Variants in PLEKHH2 observed in about 807,000 individuals in gnomAD.
PLEKHH2 encodes the protein pleckstrin homology domain-containing family H member 2.
A neutral mutation model predicts 187.9 loss-of-function variants in PLEKHH2; 129 were observed. The observed-to-expected ratio is 0.69, with a 90% confidence interval of 0.59 to 0.79. The LOEUF is 0.79. Ranked by LOEUF, PLEKHH2 falls within the 30% of genes least tolerant of loss-of-function variation. The pLI is 0.00. For missense variants in PLEKHH2, 2,076 were observed against 1,751.2 expected (o/e 1.19, Z -3.31); for synonymous variants, 686 against 605.6 (o/e 1.13, Z -1.95).
chr2:43,756,985 A>G, intron 25 of PLEKHH2, 134 bp from the exon 26 acceptor site: 1 of 576,824 alleles, frequency 1.7e-6, no homozygotes, highest in Non-Finnish European at 2.7e-6. Flanking sequence ...TATGAAGTTC[A>G]TAATCACATA....
Position 43,640,944 on chromosome 2 carries a change from T to C in PLEKHH2, c.-4+3565T>C, listed in dbSNP as rs539675075. Among the ~76,000 whole-genome samples the C allele has an allele frequency of 6.1e-5, 8 of 131,996 alleles. No homozygotes were observed. In the South Asian group the frequency reaches 1.7e-3, roughly 29 times the overall value. 86.6% of individuals were successfully genotyped at this position (131,996 alleles called of 152,430 possible). ...GACTACAGGCCTGCACCACCATGCC[T>C]GGCTAATTTTTTTTTTTTTTTTTTT... On this transcript the variant is annotated intron_variant, in intron 1 of 29. Coordinates refer to ENST00000282406, the MANE Select transcript of PLEKHH2 (RefSeq NM_172069.4).
rs924164087 is a variant in PLEKHH2, at chr2:43,694,507, T to C, written c.413T>C (p.Leu138Ser). 3.9e-6 allele frequency: 6 copies of C among 1,552,512 alleles called. No homozygotes were observed. Among genetic ancestry groups the C allele is most frequent in the Non-Finnish European group, 5.3e-6 (6 of 1,142,006 alleles). The change falls in exon 5 of 30, where the codon TTA (leucine) becomes TCA (serine). Residue 138 changes from leucine (L) to serine (S), a missense_variant. Coordinates refer to ENST00000282406, the MANE Select transcript of PLEKHH2 (RefSeq NM_172069.4). ...AKIKEWVTVK[L>S]NELELENQNL... ...ATAAAAGAATGGGTAACAGTTAAGT[T>C]AAATGAGGTATTTATTGCTATATGT...
chr2:43,737,455 AT>A (rs1289425285), intron 19 of PLEKHH2, among the ~76,000 whole-genome samples: 2 of 152,180 alleles, frequency 1.3e-5, no homozygotes, highest in African/African-American at 4.8e-5. Flanking sequence ...GACTTACAAC[AT>A]TTGCTATTTC....
intron 24 of PLEKHH2, among the ~76,000 whole-genome samples, chr2:43,750,781 C>T (rs904215590): frequency 2.0e-5 from 3 of 152,162 alleles, no homozygotes; most frequent in South Asian, 2.1e-4. Flanking sequence ...GCAATTCTCA[C>T]GTACCATTTA....
At chr2:43,682,559 C>T (rs914930473) in intron 3 of PLEKHH2, among the ~76,000 whole-genome samples, 1 of 152,162 alleles carries the variant, frequency 6.6e-6, no homozygotes, top group Non-Finnish European at 1.5e-5. Flanking sequence ...CCCCCCTTGG[C>T]CTCCCAAAGT....
At chr2:43,727,520 T>G (rs569922080) in intron 17 of PLEKHH2, among the ~76,000 whole-genome samples, 1 of 152,146 alleles carries the variant, frequency 6.6e-6, no homozygotes, top group East Asian at 1.9e-4. Context: ...AATATTATCA[T>G]AAATATGACT....
intron 2 of PLEKHH2, among the ~76,000 whole-genome samples, chr2:43,668,969 A>G (rs901531415): frequency 2.6e-5 from 4 of 152,214 alleles, no homozygotes; most frequent in Non-Finnish European, 4.4e-5. Context: ...CTCTAACTTG[A>G]GAGAACTCTG....
rs775631618 is a variant in PLEKHH2 at position 43,758,883 on chromosome 2, C to T, written c.3942-17C>T. 2 of 1,565,104 alleles carry T rather than the reference C, an allele frequency of 1.3e-6. No homozygotes were observed. The highest frequency in any genetic ancestry group is 1.7e-6 in the Non-Finnish European group (2 of 1,155,106). On this transcript the variant is annotated splice_polypyrimidine_tract_variant and intron_variant, in intron 26 of 29. Transcript: ENST00000282406. ...TTGCTTTAGTGTTTTTGTTTTTGTT[C>T]TTTTCTTTTTTTTTAGGCAGCTTTG...
intron 2 of PLEKHH2, among the ~76,000 whole-genome samples, chr2:43,658,049 C>A (rs1033537265): frequency 6.6e-6 from 1 of 152,174 alleles, no homozygotes; most frequent in African/African-American, 2.4e-5. Context: ...ATTCAACTAC[C>A]CATTGAATAT....
chr2:43,731,556 C>T lies in PLEKHH2; in HGVS notation c.2897C>T (p.Thr966Ile). 6.2e-7 allele frequency: 1 copy of T among 1,605,280 alleles called. No homozygotes were observed. Among genetic ancestry groups the T allele is most frequent in the Non-Finnish European group, 8.5e-7 (1 of 1,172,478 alleles). ...SKEGIISPLT[T>I]LPSEALQTEA... The stretch of plus-strand genomic sequence containing the variant: ...GAAGGAATCATTTCCCCTCTGACAA[C>T]TCTACCTTCCGAAGCCCTGCAGACA... The change falls in exon 19 of 30, where the codon ACT (threonine) becomes ATT (isoleucine). Residue 966 changes from threonine to isoleucine, a missense_variant. Transcript: ENST00000282406.
chr2:43,644,704 G>C lies in PLEKHH2; in HGVS notation c.31G>C (p.Val11Leu). 1 of 1,606,808 alleles carries C rather than the reference G, an allele frequency of 6.2e-7. No individual in the cohort carries two copies. Among genetic ancestry groups the C allele is most frequent in the Non-Finnish European group, 8.5e-7 (1 of 1,175,280 alleles). ...AGAGCTTTCTGAGCCAGAGGGACCA[G>C]TAGATTGGAAGGAACGATGTGTAGC... MAELSEPEGP[V>L]DWKERCVALE... Residue 11 changes from valine (V) to leucine (L), a missense_variant, in exon 2 of 30, where the codon GTA (valine) becomes CTA (leucine). Val to Leu is a conservative substitution (Grantham distance 32, BLOSUM62 1). Transcript: ENST00000282406.
At chr2:43,726,565 C>T in intron 17 of PLEKHH2, 114 bp downstream of exon 17, 1 of 912,932 alleles carries the variant, frequency 1.1e-6, no homozygotes, top group Non-Finnish European at 1.6e-6. Context: ...TTGCTATAGA[C>T]TTTCACCTCT....
chr2:43,726,084 C>T (rs1168976693), intron 16 of PLEKHH2, among the ~76,000 whole-genome samples, 188 bp from the exon 17 acceptor site: 1 of 145,180 alleles, frequency 6.9e-6, no homozygotes, highest in African/African-American at 2.6e-5. Context: ...TGCGCCACTG[C>T]ACTCCAGCCT....
At chr2:43,693,742 G>GAAAAAAAAAAA (rs1304124515) in intron 4 of PLEKHH2, among the ~76,000 whole-genome samples, 5 of 99,178 alleles carry the variant, frequency 5.0e-5, no homozygotes, top group African/African-American at 8.8e-5. Context: ...AAAAAAAAAG[G>GAAAAAAAAAAA]AAAAAATTGC....
chr2:43,727,035 AATT>A (rs1670783545), intron 17 of PLEKHH2, among the ~76,000 whole-genome samples: 1 of 152,238 alleles, frequency 6.6e-6, no homozygotes, highest in Non-Finnish European at 1.5e-5. Context: ...TAATTTCCAG[AATT>A]TAAAGAGTTA....
Position 43,643,933 on chromosome 2 carries a change from C to T in PLEKHH2, c.-3-738C>T, listed in dbSNP as rs542644966. On this transcript the variant is annotated intron_variant, in intron 1 of 29. Coordinates refer to ENST00000282406, the MANE Select transcript of PLEKHH2 (RefSeq NM_172069.4). Reference sequence around the variant, plus strand: ...TGCTTCTCCCTGCAATTAATATCCTCCCAAAGGAAAGTTAATATGGAAAAC... The same window carrying T: ...TGCTTCTCCCTGCAATTAATATCCTTCCAAAGGAAAGTTAATATGGAAAAC... Among the ~76,000 whole-genome samples, 10 of 152,216 alleles carry T rather than the reference C, an allele frequency of 6.6e-5. No individual in the cohort carries two copies. In the East Asian group the frequency reaches 1.9e-3, roughly 29 times the overall value.
intron 23 of PLEKHH2, among the ~76,000 whole-genome samples, chr2:43,744,877 A>G (rs1263293602): frequency 1.3e-5 from 2 of 151,498 alleles, no homozygotes; most frequent in Non-Finnish European, 2.9e-5. Context: ...CAAAAAAAAA[A>G]AAAAAAAAAA....
At chr2:43,638,145 T>A (rs1402560998) in intron 1 of PLEKHH2, among the ~76,000 whole-genome samples, 1 of 151,972 alleles carries the variant, frequency 6.6e-6, no homozygotes, top group Non-Finnish European at 1.5e-5. Flanking sequence ...CTGGGCAGGG[T>A]CACCGAAGGG....
In PLEKHH2 at chr2:43,705,126, A is replaced by C. The variant is rs187230645; in HGVS notation, c.1726+1070A>C. The stretch of plus-strand genomic sequence containing the variant: ...CAAGAACTGTCTGGAATAACAAGAA[A>C]TTTTCCTGTGGTTCTTTCTACCACC... On this transcript the variant is annotated intron_variant, in intron 9 of 29. Transcript: ENST00000282406. Among the ~76,000 whole-genome samples, 185 of 152,024 alleles carry C rather than the reference A, an allele frequency of 1.2e-3. 2 individuals are homozygous for C. The highest frequency in any genetic ancestry group is 4.2e-3 in the African/African-American group (176 of 41,468).
Sources: allele counts gnomAD v4.1 joint callset (sites outside exome capture counted in the v4.1 genomes callset), GRCh38; gene constraint gnomAD v4.1.1; transcripts MANE v1.5; gene names NCBI Gene and HGNC (gene_info 2026-07-23, HGNC 2026-07-21).